The following ACSM2B variants were observed in gnomAD, a reference collection of about 807,000 sequenced individuals.
ACSM2B encodes the protein acyl-CoA synthetase medium chain family member 2B.
Under a neutral mutation model 78.6 loss-of-function variants are expected in ACSM2B, and 58 were observed. The observed-to-expected ratio is 0.74, with a 90% confidence interval of 0.60 to 0.92. The LOEUF is 0.92. ACSM2B is among the 40% of genes least tolerant of loss of function. The pLI is 0.00. For missense variants in ACSM2B, 688 were observed against 711.2 expected (o/e 0.97, Z 0.37); for synonymous variants, 257 against 256.8 (o/e 1.00, Z -0.01).
At chr16:20,554,657 T>G (rs1347644178) in intron 4 of ACSM2B, among the ~76,000 whole-genome samples, 1 of 152,212 alleles carries the variant, frequency 6.6e-6, no homozygotes, top group African/African-American at 2.4e-5. Context: ...TGGAAAGGCC[T>G]CTGACCTTGA....
Position 20,537,109 on chromosome 16 carries a change from T to G in ACSM2B, c.*149A>C, listed in dbSNP as rs1567202626. On this transcript the variant is annotated 3_prime_UTR_variant, in exon 14 of 14. Coordinates refer to ENST00000329697, the MANE Select transcript of ACSM2B (RefSeq NM_001105069.2). ...TTTCTTATTTCAATATCTAACATAG[T>G]AATGTTTTGTGCTAATAACCAGGGC... is the stretch of plus-strand genomic sequence containing the variant. 1 of 885,792 alleles carries G rather than the reference T, an allele frequency of 1.1e-6. No homozygotes were observed. Among genetic ancestry groups the G allele is most frequent in the East Asian group, 2.5e-5 (1 of 40,790 alleles). 54.9% of individuals were successfully genotyped at this position (885,792 alleles called of 1,614,324 possible).
chr16:20,570,706 G>T (rs2016068653), intron 1 of ACSM2B, among the ~76,000 whole-genome samples: 1 of 151,056 alleles, frequency 6.6e-6, no homozygotes, highest in Non-Finnish European at 1.5e-5. Context: ...TGTTGTCGTT[G>T]TTGTTGTTGT....
At chr16:20,567,523 TTATATAAATAGTATATAA>T (rs1403336917) in intron 1 of ACSM2B, among the ~76,000 whole-genome samples, 1 of 114,908 alleles carries the variant, frequency 8.7e-6, no homozygotes, top group Non-Finnish European at 1.7e-5. Context: ...AATATATAAA[TTATATAAATAGTATATAA>T]TATATAAATA....
intron 9 of ACSM2B, 108 bp downstream of exon 9, chr16:20,546,286 A>C: frequency 4.1e-6 from 6 of 1,458,154 alleles, no homozygotes; most frequent in Non-Finnish European, 5.5e-6. Context: ...ATATTATCTT[A>C]ATATCAGTAC....
At chr16:20,571,916 G>T (rs149201420) in intron 1 of ACSM2B, among the ~76,000 whole-genome samples, 3,676 of 151,818 alleles carry the variant, frequency 0.024, 161 homozygotes, top group African/African-American at 0.085. Flanking sequence ...GTGTCCATTT[G>T]CATGGAATGT....
rs1337014729 is a variant in ACSM2B, at chr16:20,555,393, C to T, written c.472G>A (p.Val158Ile). 1 of 1,613,952 alleles carries T rather than the reference C, an allele frequency of 6.2e-7. No homozygotes were observed. The highest frequency in any genetic ancestry group is 1.7e-5 in the Admixed American group (1 of 60,012). The change falls in exon 4 of 14, where the codon GTT becomes ATT. Residue 158 changes from valine (V) to isoleucine (I), a missense_variant. Val to Ile is a conservative substitution (Grantham distance 29). Transcript: ENST00000329697. ...RLQMSKAKAI[V>I]AGDEVIQEVD... ...TCTTGGATGACTTCATCCCCAGCAA[C>T]AATAGCCTTGGCCTTAGACATCTGC...
intron 2 of ACSM2B, among the ~76,000 whole-genome samples, chr16:20,559,990 CT>C (rs2015603399): frequency 1.3e-5 from 2 of 151,076 alleles, no homozygotes; most frequent in Non-Finnish European, 2.9e-5. Flanking sequence ...TATCTACTTA[CT>C]TTTTTTAATT....
chr16:20,544,102 A>G (rs999897240), intron 10 of ACSM2B, among the ~76,000 whole-genome samples: 3 of 152,176 alleles, frequency 2.0e-5, no homozygotes, highest in Non-Finnish European at 2.9e-5. Flanking sequence ...TTTTTTATCA[A>G]ATGGGGAGAA....
chr16:20,548,351 G>A (rs746816181), intron 7 of ACSM2B, 43 bp downstream of exon 7: 2 of 1,610,716 alleles, frequency 1.2e-6, no homozygotes, highest in Admixed American at 1.7e-5. Context: ...GGAGTCAGGG[G>A]GATGGGGCCA....
chr16:20,549,337 G>A (rs1243606258), intron 6 of ACSM2B, among the ~76,000 whole-genome samples: 1 of 152,080 alleles, frequency 6.6e-6, no homozygotes, highest in Non-Finnish European at 1.5e-5. Context: ...GAAAGTCCAA[G>A]GTCAAGAAGC....
chr16:20,546,954 A>C (rs1156884316), intron 8 of ACSM2B: 2 of 259,198 alleles, frequency 7.7e-6, no homozygotes, highest in Non-Finnish European at 1.2e-5. Context: ...CCATTTCCTC[A>C]AGCAGTAAAA....
intron 1 of ACSM2B, among the ~76,000 whole-genome samples, chr16:20,569,817 A>T (rs1371006514): frequency 6.6e-6 from 1 of 151,266 alleles, no homozygotes; most frequent in Non-Finnish European, 1.5e-5. Flanking sequence ...TTTTTTTTGC[A>T]GCTATTATAA....
intron 2 of ACSM2B, among the ~76,000 whole-genome samples, chr16:20,563,313 T>C (rs1295862618): frequency 1.3e-5 from 2 of 152,302 alleles, no homozygotes; most frequent in East Asian, 3.9e-4. Flanking sequence ...TCTGTTCATA[T>C]ACTTTGCCTG....
intron 4 of ACSM2B, chr16:20,554,143 C>T (rs1193436546): frequency 2.8e-6 from 2 of 716,714 alleles, no homozygotes; most frequent in South Asian, 3.0e-5. Flanking sequence ...CAACCTTAAA[C>T]TACTTATTTA....
chr16:20,556,996 C>A (rs2152140274), intron 3 of ACSM2B, among the ~76,000 whole-genome samples: 1 of 152,170 alleles, frequency 6.6e-6, no homozygotes, highest in South Asian at 2.1e-4. Context: ...TCATGCTCAG[C>A]CCATTGTCCC....
At chr16:20,555,993 A>G (rs2015462218) in intron 3 of ACSM2B, among the ~76,000 whole-genome samples, 1 of 152,100 alleles carries the variant, frequency 6.6e-6, no homozygotes, top group African/African-American at 2.4e-5. Context: ...AGTTGTATAT[A>G]TTTATTGGGT....
intron 1 of ACSM2B, among the ~76,000 whole-genome samples, chr16:20,567,340 T>C (rs1280186972): frequency 9.6e-6 from 1 of 104,122 alleles, no homozygotes; most frequent in East Asian, 3.6e-4. Context: ...TATAATATTA[T>C]ATATAAATAT....
intron 1 of ACSM2B, among the ~76,000 whole-genome samples, chr16:20,569,815 G>C (rs2016045799): frequency 6.6e-6 from 1 of 151,074 alleles, no homozygotes; most frequent in Non-Finnish European, 1.5e-5. Flanking sequence ...TATTTTTTTT[G>C]CAGCTATTAT....
chr16:20,561,575 G>A (rs2015656230), intron 2 of ACSM2B, among the ~76,000 whole-genome samples: 2 of 151,950 alleles, frequency 1.3e-5, no homozygotes, highest in Admixed American at 6.5e-5. Flanking sequence ...CAACTCTGTG[G>A]ATTACATTTC....
Sources: gnomAD v4.1 joint callset for allele counts (sites outside exome capture counted in the v4.1 genomes callset) on GRCh38, gnomAD v4.1.1 for gene constraint, MANE v1.5 for transcripts, NCBI Gene and HGNC (gene_info 2026-07-23, HGNC 2026-07-21) for gene names.